GSTCD: variants seen among roughly 807,000 people sequenced by gnomAD.
GSTCD encodes glutathione S-transferase C-terminal domain containing.
GSTCD carries 44 observed loss-of-function variants against 68.3 expected under a neutral mutation model. The ratio of observed to expected loss-of-function variants is 0.64; its 90% CI spans 0.51 to 0.83. GSTCD has a LOEUF of 0.83. Ranked by LOEUF, GSTCD falls within the 40% of genes least tolerant of loss-of-function variation. GSTCD has a pLI of 0.00. For synonymous variants in GSTCD, 273 were observed against 255.2 expected (o/e 1.07, Z -0.67); for missense variants, 739 against 735.9 (o/e 1.00, Z -0.05).
Position 105,816,946 on chromosome 4 carries a change from G to A in GSTCD, c.1241-6008G>A, listed in dbSNP as rs868131445. ...TACCCTAACAACCTGACAGAGTTTT[G>A]AGGTTAGATGGTGTATCAAATATGC... is the stretch of plus-strand genomic sequence containing the variant. On this transcript the variant is annotated intron_variant, in intron 5 of 11. Transcript: ENST00000515279. Among the ~76,000 whole-genome samples the A allele has an allele frequency of 9.2e-5, 14 of 152,068 alleles. No homozygotes were observed. In the East Asian group the frequency reaches 9.7e-4, roughly 10 times the overall value.
chr4:105,845,793 T>C lies in GSTCD; in HGVS notation c.*216T>C, dbSNP rs745466766. 2 of 524,892 alleles carry C rather than the reference T, an allele frequency of 3.8e-6. No homozygotes were observed. The highest frequency in any genetic ancestry group is 6.8e-6 in the Non-Finnish European group (2 of 292,604). 32.5% of individuals were successfully genotyped at this position (524,892 alleles called of 1,614,324 possible). A position where few individuals can be genotyped will look rare whatever the true frequency, so the allele number is the denominator to read the frequency against. On this transcript the variant is annotated 3_prime_UTR_variant, in exon 12 of 12. Transcript: ENST00000515279. ...GTGATTAAAGGACTGCTGGTTTTTA[T>C]AGTGAGAATCCCCTGAAGTCTCAGC...
Position 105,847,507 on chromosome 4 carries a change from CTG to C in GSTCD, c.*1932_*1933del, listed in dbSNP as rs1359481958. 1 of 152,110 alleles carries C rather than the reference CTG, an allele frequency of 6.6e-6. No homozygotes were observed. The highest frequency in any genetic ancestry group is 2.1e-4 in the South Asian group (1 of 4,822). The allele number at this position is 152,110 out of a possible 1,614,324, so 9.4% of individuals were successfully genotyped here. A position where few individuals can be genotyped will look rare whatever the true frequency, so the allele number is the denominator to read the frequency against. On this transcript the variant is annotated 3_prime_UTR_variant, in exon 12 of 12. Transcript: ENST00000515279. The stretch of plus-strand genomic sequence containing the variant: ...GTATTCATTTGAGATGTTTTGACAA[CTG>C]TATATATACATGTAACCATCACTGG...
At chr4:105,763,284 ATACTT>A (rs1251460165) in intron 5 of GSTCD, among the ~76,000 whole-genome samples, 2 of 152,224 alleles carry the variant, frequency 1.3e-5, no homozygotes, top group African/African-American at 4.8e-5. Flanking sequence ...GGAAATAACT[ATACTT>A]AAGGATATGA....
intron 8 of GSTCD, among the ~76,000 whole-genome samples, chr4:105,831,547 G>A (rs1723897865): frequency 6.6e-6 from 1 of 152,000 alleles, no homozygotes; most frequent in African/African-American, 2.4e-5. Flanking sequence ...CTCTTACTTG[G>A]AGCAATATTG....
chr4:105,823,112 T>C, intron 6 of GSTCD, 43 bp downstream of exon 6: 2 of 1,576,536 alleles, frequency 1.3e-6, no homozygotes, highest in Non-Finnish European at 1.7e-6. Context: ...TTTCTAAGAT[T>C]ATGAGACTTT....
At chr4:105,832,501 G>A (rs879533856) in intron 8 of GSTCD, among the ~76,000 whole-genome samples, 2 of 152,106 alleles carry the variant, frequency 1.3e-5, no homozygotes, top group Non-Finnish European at 2.9e-5. Flanking sequence ...AGTAAAGAGA[G>A]ACTTATAAAA....
intron 5 of GSTCD, chr4:105,761,866 G>T (rs1371961524): frequency 1.3e-5 from 2 of 152,148 alleles, no homozygotes; most frequent in Non-Finnish European, 2.9e-5. Context: ...AATAAAATCT[G>T]CTTGAATTTG....
rs1044227896 is a variant in GSTCD at position 105,769,245 on chromosome 4, A to G, written c.1240+39746A>G. Among the ~76,000 whole-genome samples, 82 of 149,284 alleles carry G rather than the reference A, an allele frequency of 5.5e-4. 1 individual carries two copies. The highest frequency in any genetic ancestry group is 2.5e-3 in the South Asian group (12 of 4,710). ...ACTATACACGCGCGCACACACACAC[A>G]CACACACACACACACACACACACAC... On this transcript the variant is annotated intron_variant, in intron 5 of 11. Coordinates refer to ENST00000515279, the MANE Select transcript of GSTCD (RefSeq NM_001370181.1).
At chr4:105,757,197 G>C (rs1184182480) in intron 5 of GSTCD, among the ~76,000 whole-genome samples, 1 of 152,064 alleles carries the variant, frequency 6.6e-6, no homozygotes, top group African/African-American at 2.4e-5. Context: ...TCTTAGACAG[G>C]GGGAAGAATT....
chr4:105,726,930 T>C (rs1733057620), intron 4 of GSTCD, 100 bp downstream of exon 4: 2 of 981,144 alleles, frequency 2.0e-6, no homozygotes, highest in South Asian at 1.8e-5. Context: ...ATTTTTGTTA[T>C]AAATTTTATT....
chr4:105,826,892 A>G (rs1269219372), intron 8 of GSTCD, among the ~76,000 whole-genome samples: 1 of 152,082 alleles, frequency 6.6e-6, no homozygotes, highest in Non-Finnish European at 1.5e-5. Flanking sequence ...CAGACCTTTT[A>G]TAGTATTTCT....
intron 5 of GSTCD, among the ~76,000 whole-genome samples, chr4:105,817,832 A>G (rs1723073956): frequency 6.6e-6 from 1 of 151,848 alleles, no homozygotes; most frequent in South Asian, 2.1e-4. Context: ...AAACTTTTCT[A>G]TCCCTACTTA....
At chr4:105,809,835 T>C (rs186823997) in intron 5 of GSTCD, among the ~76,000 whole-genome samples, 5 of 152,134 alleles carry the variant, frequency 3.3e-5, no homozygotes, top group Non-Finnish European at 7.4e-5. Flanking sequence ...TTACATTGTC[T>C]CAAAGTATAC....
At chr4:105,839,211 T>G (rs926213639) in intron 10 of GSTCD, among the ~76,000 whole-genome samples, 1 of 152,240 alleles carries the variant, frequency 6.6e-6, no homozygotes. Flanking sequence ...CCTACTAGAT[T>G]AAAAGTTTAC....
At chr4:105,777,507 T>C (rs1024075251) in intron 5 of GSTCD, among the ~76,000 whole-genome samples, 2 of 152,230 alleles carry the variant, frequency 1.3e-5, no homozygotes, top group African/African-American at 2.4e-5. Context: ...CTTCCTTCCT[T>C]TCTCAACATC....
Position 105,789,113 on chromosome 4 carries a change from T to C in GSTCD, c.1241-33841T>C, listed in dbSNP as rs568086631. Among the ~76,000 whole-genome samples, 23 of 152,320 alleles carry C rather than the reference T, an allele frequency of 1.5e-4. No individual in the cohort carries two copies. In the South Asian group the frequency reaches 3.7e-3, roughly 25 times the overall value. ...CATGAAAGTGTAGTTTGTGTGTCTA[T>C]ATGTGTTTTCTCTTTTTTGCCTTTG... On this transcript the variant is annotated intron_variant, in intron 5 of 11. Transcript: ENST00000515279.
intron 9 of GSTCD, among the ~76,000 whole-genome samples, chr4:105,835,910 C>T (rs1052207891): frequency 1.3e-5 from 2 of 151,950 alleles, no homozygotes; most frequent in Admixed American, 6.5e-5. Context: ...AGCTCTCAGC[C>T]GAGAGGAGAC....
chr4:105,842,881 T>C (rs1254712447), intron 11 of GSTCD, among the ~76,000 whole-genome samples: 1 of 152,176 alleles, frequency 6.6e-6, no homozygotes, highest in Non-Finnish European at 1.5e-5. Flanking sequence ...CCCAACTTAT[T>C]TGATTCTGGA....
chr4:105,756,566 G>A (rs6811828), intron 5 of GSTCD, among the ~76,000 whole-genome samples: 8 of 77,846 alleles, frequency 1.0e-4, no homozygotes, highest in Admixed American at 1.4e-4. Flanking sequence ...GTATATATAT[G>A]TGTGTGTGTG....
Sources: gnomAD v4.1 joint callset for allele counts (sites outside exome capture counted in the v4.1 genomes callset) on GRCh38, gnomAD v4.1.1 for gene constraint, MANE v1.5 for transcripts, NCBI Gene and HGNC (gene_info 2026-07-23, HGNC 2026-07-21) for gene names.